The following MAPKAPK5 variants were observed in gnomAD, a reference collection of about 807,000 sequenced individuals.
MAPKAPK5 encodes MAP kinase-activated protein kinase 5.
In MAPKAPK5, 30 loss-of-function variants were observed where a neutral mutation model predicts 65.1. That is an observed-to-expected ratio of 0.46 (90% CI 0.34 to 0.63). MAPKAPK5 has a LOEUF of 0.63. Ranked by LOEUF, MAPKAPK5 falls within the 20% of genes least tolerant of loss-of-function variation. The pLI, the probability that MAPKAPK5 is intolerant of heterozygous loss-of-function variation, is 0.01. For synonymous variants in MAPKAPK5, 179 were observed against 204.6 expected, an observed-to-expected ratio of 0.87 and a Z score of 1.07; for missense variants, 433 against 581.4, an observed-to-expected ratio of 0.74 and a Z score of 2.63.
intron 7 of MAPKAPK5, among the ~76,000 whole-genome samples, chr12:111,872,848 T>G (rs1476920570): frequency 6.6e-6 from 1 of 152,168 alleles, no homozygotes; most frequent in Non-Finnish European, 1.5e-5. Context: ...TGGCCTTACC[T>G]AGATAACTCC....
intron 1 of MAPKAPK5, among the ~76,000 whole-genome samples, chr12:111,845,215 C>T (rs2068868991): frequency 6.6e-6 from 1 of 151,484 alleles, no homozygotes; most frequent in Non-Finnish European, 1.5e-5. Context: ...GCCGCCTCCT[C>T]CCAGGTTCAA....
rs548978353 is a variant in MAPKAPK5, at chr12:111,857,268, C to T, written c.37-7982C>T. Among the ~76,000 whole-genome samples, 15 of 147,890 alleles carry T rather than the reference C, an allele frequency of 1.0e-4. No homozygotes were observed. The East Asian group carries it at 2.2e-3, about 21-fold the overall frequency. On this transcript the variant is annotated intron_variant, in intron 1 of 13. Coordinates refer to ENST00000550735, the MANE Select transcript of MAPKAPK5 (RefSeq NM_003668.4). ...TCTTTTTTTTTTTTTTGAGATGGAG[C>T]CTCGCTCCCGTTGCTTAGGCTAGAG...
intron 1 of MAPKAPK5, among the ~76,000 whole-genome samples, chr12:111,846,250 G>A (rs772902232): frequency 6.6e-5 from 10 of 152,178 alleles, no homozygotes; most frequent in Non-Finnish European, 1.5e-4. Flanking sequence ...TTTTTGGGGG[G>A]TGTTCAGCAG....
intron 1 of MAPKAPK5, among the ~76,000 whole-genome samples, chr12:111,863,013 G>T (rs1047241161): frequency 6.6e-6 from 1 of 152,286 alleles, no homozygotes; most frequent in Middle Eastern, 3.4e-3. Context: ...TTCTGTTGAG[G>T]AGGTGGTGAG....
At chr12:111,872,316 G>A (rs1429496987) in intron 7 of MAPKAPK5, among the ~76,000 whole-genome samples, 2 of 152,080 alleles carry the variant, frequency 1.3e-5, no homozygotes, top group Non-Finnish European at 2.9e-5. Context: ...TTCTGGTAGC[G>A]GGCAGAGTAT....
chr12:111,892,228 T>A (rs953898231), intron 13 of MAPKAPK5, among the ~76,000 whole-genome samples: 1 of 152,204 alleles, frequency 6.6e-6, no homozygotes, highest in African/African-American at 2.4e-5. Context: ...ATTTCCAGAT[T>A]TGGGGAATTA....
In MAPKAPK5 at chr12:111,842,429, C is replaced by G. The variant is rs998550470; in HGVS notation, c.-305C>G. 1 of 252,986 alleles carries G rather than the reference C, an allele frequency of 4.0e-6. No homozygotes were observed. The highest frequency in any genetic ancestry group is 7.5e-6 in the Non-Finnish European group (1 of 132,990). The allele number at this position is 252,986 out of a possible 1,614,324, so 15.7% of individuals were successfully genotyped here. On this transcript the variant is annotated 5_prime_UTR_variant, in exon 1 of 14. Transcript: ENST00000550735. The stretch of plus-strand genomic sequence containing the variant: ...CCGGGTCGAGGCCCTCCCCGCCTCG[C>G]CCTACCCCAGGAGCCTGCCTCCCCA...
At chr12:111,850,358 A>G (rs567280031) in intron 1 of MAPKAPK5, among the ~76,000 whole-genome samples, 2 of 152,308 alleles carry the variant, frequency 1.3e-5, no homozygotes, top group Admixed American at 6.5e-5. Flanking sequence ...TTGAAGATGC[A>G]GCTTTTACGT....
Position 111,850,355 on chromosome 12 carries a change from T to C in MAPKAPK5, c.36+7586T>C, listed in dbSNP as rs530073347. ...ATACCTTTTTATTTCATATTGAAGA[T>C]GCAGCTTTTACGTGGGTGCGAGAGT... On this transcript the variant is annotated intron_variant, in intron 1 of 13. Transcript: ENST00000550735. 4.9e-4 allele frequency among the ~76,000 whole-genome samples: 74 copies of C among 152,344 alleles called. 1 individual carries two copies. In the South Asian group the frequency reaches 0.014, roughly 30 times the overall value.
In MAPKAPK5 at chr12:111,901,629, C is replaced by A; in HGVS notation, c.*8568C>A. On this transcript the variant is annotated 3_prime_UTR_variant, in exon 14 of 14. Transcript: ENST00000550735. ...AAGCCAGAAGCAGCAGAAGTGGCCA[C>A]AGAAGAAAAAGAAGAGAAGGAGGAA... 13 of 253,220 alleles carry A rather than the reference C, an allele frequency of 5.1e-5. No homozygotes were observed. The highest frequency in any genetic ancestry group is 7.9e-5 in the Non-Finnish European group (10 of 127,042). 15.7% of individuals were successfully genotyped at this position (253,220 alleles called of 1,614,324 possible).
chr12:111,874,612 G>T (rs527383701), intron 7 of MAPKAPK5, among the ~76,000 whole-genome samples: 2 of 147,344 alleles, frequency 1.4e-5, no homozygotes, highest in African/African-American at 5.0e-5. Context: ...ACAGGCGCCC[G>T]CCACCACACC....
At position 111,865,275 on chromosome 12, in the gene MAPKAPK5, G is replaced by T; in HGVS notation, c.62G>T (p.Ser21Ile). Residue 21 changes from serine to isoleucine, a missense_variant, in exon 2 of 14, where the codon AGT becomes ATT. Around this residue, in one of 3 missense-constraint regions of MAPKAPK5, gnomAD observed 165 missense variants for 180.0 expected, o/e 0.92. Transcript: ENST00000550735. ...GAAACTTCCATTTTAGAAGAATACA[G>T]TATCAATTGGACTCAGAAGCTGGGA... The part of the protein sequence containing the change: ...IKETSILEEY[S>I]INWTQKLGAG... 3 of 1,588,678 alleles carry T rather than the reference G, an allele frequency of 1.9e-6. No individual in the cohort carries two copies. Among genetic ancestry groups the T allele is most frequent in the Non-Finnish European group, 1.7e-6 (2 of 1,166,186 alleles).
rs528936495 is a variant in MAPKAPK5, at chr12:111,897,858, C to A, written c.*4797C>A. Reference sequence around the variant, plus strand: ...GTCGTATCTCATATTTGAAAGGTCTCATGTTGTAAATATTTGACTTGCTGT... The same window carrying A: ...GTCGTATCTCATATTTGAAAGGTCTAATGTTGTAAATATTTGACTTGCTGT... On this transcript the variant is annotated 3_prime_UTR_variant, in exon 14 of 14. Transcript: ENST00000550735. 2.5e-4 allele frequency: 38 copies of A among 151,880 alleles called. No individual in the cohort carries two copies. The highest frequency in any genetic ancestry group is 8.9e-4 in the African/African-American group (37 of 41,422). 9.4% of individuals were successfully genotyped at this position (151,880 alleles called of 1,614,324 possible).
chr12:111,852,603 TTGAC>T (rs1406246702), intron 1 of MAPKAPK5, among the ~76,000 whole-genome samples: 1 of 152,192 alleles, frequency 6.6e-6, no homozygotes, highest in African/African-American at 2.4e-5. Context: ...GTGCAGATTT[TTGAC>T]TGCCCAGGGT....
In MAPKAPK5 at chr12:111,880,512, C is replaced by G; in HGVS notation, c.645C>G (p.Pro215=). 2.5e-6 allele frequency: 4 copies of G among 1,613,790 alleles called. No individual in the cohort carries two copies. The highest frequency in any genetic ancestry group is 3.4e-6 in the Non-Finnish European group (4 of 1,179,784). The change falls in exon 8 of 14, where the codon CCC becomes CCG. Residue 215 remains proline, a synonymous_variant. Coordinates refer to ENST00000550735, the MANE Select transcript of MAPKAPK5 (RefSeq NM_003668.4). ...KSGIIPTSPT[P]YTYNKSCDLW... ...GCATCATACCTACCTCACCGACGCC[C>G]TACACTTACAACAAGGTACAGGAAG...
chr12:111,842,407 G>T lies in MAPKAPK5; in HGVS notation c.-327G>T. 4.6e-6 allele frequency: 1 copy of T among 218,548 alleles called. No individual in the cohort carries two copies. The highest frequency in any genetic ancestry group is 9.0e-6 in the Non-Finnish European group (1 of 110,776). The allele number at this position is 218,548 out of a possible 1,614,324, so 13.5% of individuals were successfully genotyped here. ...CGCGAGGCCCTTGCACGGCGCCCCG[G>T]GTCGAGGCCCTCCCCGCCTCGCCCT... On this transcript the variant is annotated 5_prime_UTR_variant, in exon 1 of 14. Transcript: ENST00000550735.
At chr12:111,880,612 C>A in intron 8 of MAPKAPK5, 85 bp downstream of exon 8, 1 of 1,144,084 alleles carries the variant, frequency 8.7e-7, no homozygotes, top group Non-Finnish European at 1.3e-6. Context: ...GGAGTGTGGC[C>A]AATTCCTTTC....
intron 1 of MAPKAPK5, among the ~76,000 whole-genome samples, chr12:111,856,420 T>TG (rs1459305737): frequency 1.3e-5 from 2 of 151,048 alleles, no homozygotes; most frequent in Admixed American, 6.6e-5. Flanking sequence ...TTTTTTTTTT[T>TG]TTTGAGACGG....
intron 1 of MAPKAPK5, among the ~76,000 whole-genome samples, chr12:111,843,875 C>T (rs1045239925): frequency 2.0e-5 from 3 of 151,326 alleles, no homozygotes; most frequent in Non-Finnish European, 3.0e-5. Context: ...TGCAGTGGCC[C>T]GATCTTGGCT....
Sources: gnomAD v4.1 joint callset for allele counts (sites outside exome capture counted in the v4.1 genomes callset) on GRCh38, gnomAD v4.1.1 for gene constraint, gnomAD v4.1.1 regional missense constraint, MANE v1.5 for transcripts, NCBI Gene and HGNC (gene_info 2026-07-23, HGNC 2026-07-21) for gene names.